GNG11: variants seen among roughly 807,000 people sequenced by gnomAD.
GNG11 encodes the protein G protein subunit gamma 11.
A neutral mutation model predicts 7.4 loss-of-function variants in GNG11; 6 were observed. The ratio of observed to expected loss-of-function variants is 0.81; its 90% CI spans 0.44 to 1.60. GNG11 has a LOEUF of 1.60. Among genes scored for constraint, GNG11 ranks in the 40% most tolerant of loss-of-function variants. GNG11 has a pLI of 0.01. For synonymous variants in GNG11, 31 were observed against 25.9 expected, an observed-to-expected ratio of 1.20 and a Z score of -0.60; for missense variants, 65 against 83.0, an observed-to-expected ratio of 0.78 and a Z score of 0.84.
chr7:93,924,890 C>A (rs560952791), intron 1 of GNG11, among the ~76,000 whole-genome samples: 2 of 152,180 alleles, frequency 1.3e-5, no homozygotes, highest in Non-Finnish European at 2.9e-5. Context: ...TGCGGCCTGG[C>A]GCGGTGTCCC....
rs539757268 is a variant in GNG11 at position 93,924,990 on chromosome 7, C to A, written c.97-1101C>A. ...CCATGCTGGCTAACGTGGTGAAACC[C>A]CGTCTCTACTAAAAATACAAAAAAT... is the stretch of plus-strand genomic sequence containing the variant. On this transcript the variant is annotated intron_variant, in intron 1 of 1. Coordinates refer to ENST00000248564, the MANE Select transcript of GNG11 (RefSeq NM_004126.4). Among the ~76,000 whole-genome samples the A allele has an allele frequency of 2.3e-3, 345 of 152,240 alleles. 17 individuals carry two copies. The highest frequency in any genetic ancestry group is 1.8e-3 in the Non-Finnish European group (125 of 67,998).
At chr7:93,925,937 T>TA (rs1385176587) in intron 1 of GNG11, among the ~76,000 whole-genome samples, 154 bp from the exon 2 acceptor site, 1 of 150,546 alleles carries the variant, frequency 6.6e-6, no homozygotes, top group Non-Finnish European at 1.5e-5. Context: ...GTATTATATA[T>TA]ATAATATATA....
chr7:93,927,814 A>G lies in GNG11; in HGVS notation c.*1598A>G, dbSNP rs1399760027. ...GATGACATCAATTGGCATTACTGAGAGCCCAGGGATAATTTTAGCCCAAAA... is the reference window on the plus strand; with the variant it reads ...GATGACATCAATTGGCATTACTGAGGGCCCAGGGATAATTTTAGCCCAAAA... On this transcript the variant is annotated 3_prime_UTR_variant, in exon 2 of 2. Transcript: ENST00000248564. 6.6e-6 allele frequency: 1 copy of G among 152,188 alleles called. No individual in the cohort carries two copies. The highest frequency in any genetic ancestry group is 2.4e-5 in the African/African-American group (1 of 41,436). 9.4% of individuals were successfully genotyped at this position (152,188 alleles called of 1,614,324 possible). A position where few individuals can be genotyped will look rare whatever the true frequency, so the allele number is the denominator to read the frequency against.
chr7:93,923,559 T>G (rs1167351185), intron 1 of GNG11, among the ~76,000 whole-genome samples: 3 of 152,200 alleles, frequency 2.0e-5, no homozygotes, highest in Non-Finnish European at 4.4e-5. Context: ...TTAGATATGT[T>G]CACACAATAA....
At position 93,924,917 on chromosome 7, in the gene GNG11, CA is replaced by C. The variant is rs1480413487; in HGVS notation, c.97-1173del. Among the ~76,000 whole-genome samples, 26 of 152,338 alleles carry C rather than the reference CA, an allele frequency of 1.7e-4. No homozygotes were observed. The East Asian group carries it at 4.8e-3, about 28-fold the overall frequency. ...CGGTGTCCCACGCCTGTAATCCCAG[CA>C]CTTTGGGAGGCCAAGGCGGGCGGAT... is the stretch of plus-strand genomic sequence containing the variant. On this transcript the variant is annotated intron_variant, in intron 1 of 1. Coordinates refer to ENST00000248564, the MANE Select transcript of GNG11 (RefSeq NM_004126.4).
intron 1 of GNG11, among the ~76,000 whole-genome samples, chr7:93,924,453 A>C (rs1193375566): frequency 6.6e-6 from 1 of 152,174 alleles, no homozygotes; most frequent in Non-Finnish European, 1.5e-5. Context: ...AAATGCATGC[A>C]CTCTGAATGT....
intron 1 of GNG11, 72 bp downstream of exon 1, chr7:93,922,305 G>A (rs991622174): frequency 3.6e-6 from 3 of 826,414 alleles, no homozygotes; most frequent in East Asian, 2.9e-5. Flanking sequence ...CTTAGTAACA[G>A]TAAAGCAAAT....
chr7:93,923,988 T>C (rs1794646039), intron 1 of GNG11, among the ~76,000 whole-genome samples: 1 of 152,218 alleles, frequency 6.6e-6, no homozygotes, highest in Non-Finnish European at 1.5e-5. Flanking sequence ...AGCATTGGAA[T>C]GTTTAGAGAT....
At chr7:93,925,773 A>C (rs1343854550) in intron 1 of GNG11, among the ~76,000 whole-genome samples, 4 of 152,190 alleles carry the variant, frequency 2.6e-5, no homozygotes. Flanking sequence ...CAATGGAAAA[A>C]AACTGCTGGA....
At chr7:93,924,168 G>C (rs527246767) in intron 1 of GNG11, among the ~76,000 whole-genome samples, 1 of 152,232 alleles carries the variant, frequency 6.6e-6, no homozygotes, top group African/African-American at 2.4e-5. Flanking sequence ...TCTGGGCTAC[G>C]TGTTCAGTCC....
rs1794617806 is a variant in GNG11, at chr7:93,922,024, C to T, written c.-114C>T. ...ACCGCAGCAGGGCTGCAGTCACATC[C>T]TGCGCGGGTGGGCGGCGGGCCAGGC... On this transcript the variant is annotated 5_prime_UTR_variant, in exon 1 of 2. Coordinates refer to ENST00000248564, the MANE Select transcript of GNG11 (RefSeq NM_004126.4). The T allele has an allele frequency of 1.7e-6, 1 of 596,416 alleles. No homozygotes were observed. The highest frequency in any genetic ancestry group is 2.4e-5 in the South Asian group (1 of 41,658). The allele number at this position is 596,416 out of a possible 1,614,324, so 36.9% of individuals were successfully genotyped here.
chr7:93,922,336 CT>C, intron 1 of GNG11, 103 bp downstream of exon 1: 1 of 621,948 alleles, frequency 1.6e-6, no homozygotes. Context: ...ATTTTTCCCC[CT>C]TTTTGTAGCT....
At chr7:93,926,049 C>CA (rs1562789627) in intron 1 of GNG11, 42 bp from the exon 2 acceptor site, 1 of 1,278,580 alleles carries the variant, frequency 7.8e-7, no homozygotes, top group Non-Finnish European at 1.1e-6. Flanking sequence ...AAAGTTTAAA[C>CA]AACCCTAACC....
At position 93,926,301 on chromosome 7, in the gene GNG11, G is replaced by A; in HGVS notation, c.*85G>A. ...TAAAACCAACATGCTTTTTAAGGAA[G>A]GAAGAATGAAATTAAAAGGAGACTT... On this transcript the variant is annotated 3_prime_UTR_variant, in exon 2 of 2. Coordinates refer to ENST00000248564, the MANE Select transcript of GNG11 (RefSeq NM_004126.4). 1 of 1,034,054 alleles carries A rather than the reference G, an allele frequency of 9.7e-7. No homozygotes were observed. The highest frequency in any genetic ancestry group is 2.5e-5 in the East Asian group (1 of 39,270). 64.1% of individuals were successfully genotyped at this position (1,034,054 alleles called of 1,614,324 possible).
chr7:93,927,052 C>G lies in GNG11; in HGVS notation c.*836C>G, dbSNP rs1230835127. The G allele has an allele frequency of 6.6e-6, 1 of 152,262 alleles. No individual in the cohort carries two copies. The highest frequency in any genetic ancestry group is 1.5e-5 in the Non-Finnish European group (1 of 68,098). The allele number at this position is 152,262 out of a possible 1,614,324, so 9.4% of individuals were successfully genotyped here. A position where few individuals can be genotyped will look rare whatever the true frequency, so the allele number is the denominator to read the frequency against. On this transcript the variant is annotated 3_prime_UTR_variant, in exon 2 of 2. Coordinates refer to ENST00000248564, the MANE Select transcript of GNG11 (RefSeq NM_004126.4). ...GTGGCATTGGTGCAGACACTTGGAC[C>G]TCTGCACTCATGCTTGCCAGCATTT...
chr7:93,923,169 AG>A (rs1312011846), intron 1 of GNG11, among the ~76,000 whole-genome samples: 1 of 152,224 alleles, frequency 6.6e-6, no homozygotes, highest in Non-Finnish European at 1.5e-5. Flanking sequence ...GTTTAGCACT[AG>A]AAAAAATTAA....
intron 1 of GNG11, among the ~76,000 whole-genome samples, chr7:93,924,919 CT>C (rs1386969967): frequency 6.6e-6 from 1 of 152,176 alleles, no homozygotes; most frequent in Non-Finnish European, 1.5e-5. Flanking sequence ...AATCCCAGCA[CT>C]TTGGGAGGCC....
Position 93,928,087 on chromosome 7 carries a change from A to G in GNG11, c.*1871A>G. Reference sequence around the variant, plus strand: ...GCAAACATTTATTCCGGTTACTGGCAAGGCAGTTTAAATCACCTGCTTCTT... The same window carrying G: ...GCAAACATTTATTCCGGTTACTGGCGAGGCAGTTTAAATCACCTGCTTCTT... On this transcript the variant is annotated 3_prime_UTR_variant, in exon 2 of 2. Transcript: ENST00000248564. 1 of 152,172 alleles carries G rather than the reference A, an allele frequency of 6.6e-6. No individual in the cohort carries two copies. Among genetic ancestry groups the G allele is most frequent in the East Asian group, 1.9e-4 (1 of 5,202 alleles). The allele number at this position is 152,172 out of a possible 1,614,324, so 9.4% of individuals were successfully genotyped here.
In GNG11 at chr7:93,921,955, G is replaced by A; in HGVS notation, c.-183G>A. 1 of 471,194 alleles carries A rather than the reference G, an allele frequency of 2.1e-6. No individual in the cohort carries two copies. The highest frequency in any genetic ancestry group is 3.9e-6 in the Non-Finnish European group (1 of 256,626). 29.2% of individuals were successfully genotyped at this position (471,194 alleles called of 1,614,324 possible). A position where few individuals can be genotyped will look rare whatever the true frequency, so the allele number is the denominator to read the frequency against. The stretch of plus-strand genomic sequence containing the variant: ...TCCTAGGAAGCTGGGGCACGCTGGC[G>A]TGACAAGCGTCCCGGAGAAAGCCAA... On this transcript the variant is annotated 5_prime_UTR_variant, in exon 1 of 2. It adds an upstream start codon to the 5' untranslated region. Coordinates refer to ENST00000248564, the MANE Select transcript of GNG11 (RefSeq NM_004126.4).
Sources: allele counts gnomAD v4.1 joint callset (sites outside exome capture counted in the v4.1 genomes callset), GRCh38; gene constraint gnomAD v4.1.1; transcripts MANE v1.5; gene names NCBI Gene and HGNC (gene_info 2026-07-23, HGNC 2026-07-21).